CSMD3: variants seen among roughly 807,000 people sequenced by gnomAD.
The protein encoded by CSMD3 is CUB and Sushi multiple domains 3.
In CSMD3, 177 loss-of-function variants were observed where a neutral mutation model predicts 435.2. The ratio of observed to expected loss-of-function variants is 0.41; its 90% CI spans 0.36 to 0.46. The LOEUF (loss-of-function observed/expected upper bound fraction) is 0.46, where lower values mean the gene tolerates loss of function less well. CSMD3 is among the 20% of genes least tolerant of loss of function. The pLI is 0.34. For missense variants in CSMD3, 4,265 were observed against 4,504.6 expected, an observed-to-expected ratio of 0.95 and a Z score of 1.52; for synonymous variants, 1,656 against 1,520.5, an observed-to-expected ratio of 1.09 and a Z score of -2.07.
intron 13 of CSMD3, among the ~76,000 whole-genome samples, chr8:112,737,747 C>G (rs1325849886): frequency 6.6e-6 from 1 of 151,820 alleles, no homozygotes; most frequent in Non-Finnish European, 1.5e-5. Context: ...TAACAGCTGA[C>G]CCTGATTTCT....
intron 5 of CSMD3, among the ~76,000 whole-genome samples, chr8:113,032,463 GA>G (rs1231727333): frequency 6.6e-6 from 1 of 151,550 alleles, no homozygotes; most frequent in Non-Finnish European, 1.5e-5. Flanking sequence ...GAGATTTATG[GA>G]ACTTTGAGCT....
At chr8:112,544,168 CA>C (rs1826943472) in intron 27 of CSMD3, among the ~76,000 whole-genome samples, 1 of 151,990 alleles carries the variant, frequency 6.6e-6, no homozygotes, top group Admixed American at 6.6e-5. Context: ...TACCTATAAC[CA>C]AAATAATGTA....
At chr8:112,942,756 G>C (rs2083490639) in intron 9 of CSMD3, among the ~76,000 whole-genome samples, 1 of 151,598 alleles carries the variant, frequency 6.6e-6, no homozygotes, top group Admixed American at 6.6e-5. Context: ...ACTACTTATT[G>C]GGCATTATGC....
chr8:113,122,599 G>C, intron 4 of CSMD3, among the ~76,000 whole-genome samples: 1 of 151,880 alleles, frequency 6.6e-6, no homozygotes, highest in East Asian at 1.9e-4. Context: ...GGAGAAGAAG[G>C]AATCAGAGAG....
intron 3 of CSMD3, among the ~76,000 whole-genome samples, chr8:113,223,750 TTA>T (rs1469111021): frequency 1.6e-5 from 2 of 121,376 alleles, no homozygotes; most frequent in Admixed American, 7.7e-5. Flanking sequence ...CTGTGTGTGT[TTA>T]TGTGTGTGTA....
chr8:113,252,662 A>G (rs957289073), intron 3 of CSMD3, among the ~76,000 whole-genome samples: 1 of 152,142 alleles, frequency 6.6e-6, no homozygotes, highest in African/African-American at 2.4e-5. Flanking sequence ...TATCAAACTA[A>G]AAATCTTGGG....
intron 10 of CSMD3, among the ~76,000 whole-genome samples, chr8:112,859,634 A>T (rs1327039919): frequency 6.6e-6 from 1 of 151,792 alleles, no homozygotes; most frequent in Non-Finnish European, 1.5e-5. Context: ...GCAATCTAAG[A>T]AGTGTTTTCA....
chr8:113,280,347 T>C (rs1223844400), intron 2 of CSMD3, among the ~76,000 whole-genome samples: 1 of 151,954 alleles, frequency 6.6e-6, no homozygotes, highest in Admixed American at 6.6e-5. Context: ...TCCTACTTGT[T>C]ATTGGTCTAT....
chr8:113,289,661 C>A (rs1462871193), intron 2 of CSMD3, among the ~76,000 whole-genome samples: 1 of 151,558 alleles, frequency 6.6e-6, no homozygotes, highest in East Asian at 1.9e-4. Context: ...TAAACCCTGC[C>A]ACCTTTTTTT....
intron 61 of CSMD3, among the ~76,000 whole-genome samples, chr8:112,262,891 G>A (rs1247073806): frequency 1.3e-5 from 2 of 152,104 alleles, no homozygotes; most frequent in Non-Finnish European, 2.9e-5. Flanking sequence ...CTAAGCAACT[G>A]AGACAGTTAG....
intron 32 of CSMD3, among the ~76,000 whole-genome samples, chr8:112,452,979 G>T (rs116512074): frequency 6.6e-6 from 1 of 152,092 alleles, no homozygotes; most frequent in Non-Finnish European, 1.5e-5. Context: ...TTAATTGAGC[G>T]TTTTGCAAAT....
At chr8:112,511,240 T>TA (rs1310515858) in intron 28 of CSMD3, among the ~76,000 whole-genome samples, 4 of 152,022 alleles carry the variant, frequency 2.6e-5, no homozygotes, top group African/African-American at 4.8e-5. Context: ...ACTTTATTGC[T>TA]AAAAAAATGC....
intron 13 of CSMD3, among the ~76,000 whole-genome samples, chr8:112,723,069 T>G (rs1454310995): frequency 6.6e-6 from 1 of 151,970 alleles, no homozygotes; most frequent in African/African-American, 2.4e-5. Context: ...ATTAAGGTAT[T>G]GATAAAACGT....
intron 54 of CSMD3, 136 bp from the exon 55 acceptor site, chr8:112,292,846 G>A (rs894881645): frequency 4.6e-5 from 35 of 764,426 alleles, no homozygotes; most frequent in East Asian, 4.3e-4. Flanking sequence ...GGAAATATAC[G>A]GAAAGTACAT....
At chr8:112,962,296 G>T (rs1295146499) in intron 7 of CSMD3, among the ~76,000 whole-genome samples, 3 of 151,392 alleles carry the variant, frequency 2.0e-5, no homozygotes, top group African/African-American at 4.8e-5. Context: ...CATGAAAAAT[G>T]ATAACTAATA....
intron 3 of CSMD3, among the ~76,000 whole-genome samples, chr8:113,274,420 G>A (rs1322882238): frequency 6.6e-6 from 1 of 152,048 alleles, no homozygotes; most frequent in African/African-American, 2.4e-5. Flanking sequence ...GTGTGCTTTG[G>A]TAAACAATTT....
intron 3 of CSMD3, among the ~76,000 whole-genome samples, chr8:113,212,404 C>A (rs1327899045): frequency 6.6e-6 from 1 of 151,982 alleles, no homozygotes; most frequent in Non-Finnish European, 1.5e-5. Context: ...TCACATCTTC[C>A]CAAAGTTGTC....
chr8:112,999,207 C>T (rs540769020), intron 6 of CSMD3, among the ~76,000 whole-genome samples: 19 of 151,662 alleles, frequency 1.3e-4, no homozygotes, highest in Admixed American at 8.6e-4. Flanking sequence ...AAAAATAATG[C>T]AAGGGATGGA....
chr8:112,934,697 A>C (rs1313696008), intron 9 of CSMD3, among the ~76,000 whole-genome samples: 2 of 152,168 alleles, frequency 1.3e-5, no homozygotes, highest in East Asian at 1.9e-4. Context: ...GCTACTAAAC[A>C]GAAGTGTTAG....
Sources: allele counts gnomAD v4.1 joint callset (sites outside exome capture counted in the v4.1 genomes callset), GRCh38; gene constraint gnomAD v4.1.1; transcripts MANE v1.5; gene names NCBI Gene and HGNC (gene_info 2026-07-23, HGNC 2026-07-21).